FRS2: variants seen among roughly 807,000 people sequenced by gnomAD.
FRS2 encodes the protein FGFR signalling adaptor.
A neutral mutation model predicts 43.9 loss-of-function variants in FRS2; 8 were observed. That is an observed-to-expected ratio of 0.18 (90% CI 0.11 to 0.33). FRS2 has a LOEUF of 0.33. Ranked by LOEUF, FRS2 falls within the 10% of genes least tolerant of loss-of-function variation. The pLI, the probability that FRS2 is intolerant of heterozygous loss-of-function variation, is 1.00. For missense variants in FRS2, 534 were observed against 627.6 expected, an observed-to-expected ratio of 0.85 and a Z score of 1.59; for synonymous variants, 219 against 220.3, an observed-to-expected ratio of 0.99 and a Z score of 0.05.
At chr12:69,517,985 T>C (rs1875227122) in intron 1 of FRS2, among the ~76,000 whole-genome samples, 1 of 152,206 alleles carries the variant, frequency 6.6e-6, no homozygotes, top group Middle Eastern at 3.2e-3. Context: ...ATTGCATTTA[T>C]ATATAAAATA....
chr12:69,524,516 C>T (rs1240190670), intron 1 of FRS2, among the ~76,000 whole-genome samples: 1 of 151,894 alleles, frequency 6.6e-6, no homozygotes, highest in Non-Finnish European at 1.5e-5. Flanking sequence ...CAGGAGGTAC[C>T]TGGGGGCTGC....
At chr12:69,564,107 C>G (rs1240128561) in intron 4 of FRS2, among the ~76,000 whole-genome samples, 2 of 152,142 alleles carry the variant, frequency 1.3e-5, no homozygotes, top group Non-Finnish European at 2.9e-5. Context: ...TCAACCAGTT[C>G]TTCAAAGACC....
chr12:69,523,200 T>C (rs1875864919), intron 1 of FRS2, among the ~76,000 whole-genome samples: 1 of 152,216 alleles, frequency 6.6e-6, no homozygotes, highest in Non-Finnish European at 1.5e-5. Context: ...ATACTTATTA[T>C]TGCATGGGAG....
At chr12:69,495,110 G>T (rs550911772) in intron 1 of FRS2, among the ~76,000 whole-genome samples, 1 of 152,232 alleles carries the variant, frequency 6.6e-6, no homozygotes, top group East Asian at 1.9e-4. Context: ...GTATCGATAT[G>T]AGGACTAAAT....
chr12:69,563,335 C>T (rs908966073), intron 4 of FRS2, among the ~76,000 whole-genome samples: 1 of 152,098 alleles, frequency 6.6e-6, no homozygotes, highest in African/African-American at 2.4e-5. Context: ...GAAGATTGGC[C>T]ACAACTGCCC....
Position 69,543,489 on chromosome 12 carries a change from T to A in FRS2, c.-122+11433T>A, listed in dbSNP as rs1190261993. Reference sequence around the variant, plus strand: ...TGGAGTTTACGTTTTGTGGTGGCATTGGAGTGAAGAGCTAGGGAATAAAAA... The same window carrying A: ...TGGAGTTTACGTTTTGTGGTGGCATAGGAGTGAAGAGCTAGGGAATAAAAA... On this transcript the variant is annotated intron_variant, in intron 3 of 8. Transcript: ENST00000549921. 3.3e-5 allele frequency among the ~76,000 whole-genome samples: 5 copies of A among 152,176 alleles called. No individual in the cohort carries two copies. In the South Asian group the frequency reaches 1.0e-3, roughly 32 times the overall value.
In FRS2 at chr12:69,506,614, T is replaced by C. The variant is rs1311183314; in HGVS notation, c.-260-24251T>C. ...TTTTATAGCATTTGAAAGATTCTTT[T>C]AGATCCAGTTCGGTGTCTACTTCTT... is the stretch of plus-strand genomic sequence containing the variant. On this transcript the variant is annotated intron_variant, in intron 1 of 8. Transcript: ENST00000549921. Among the ~76,000 whole-genome samples, 11 of 152,324 alleles carry C rather than the reference T, an allele frequency of 7.2e-5. No individual in the cohort carries two copies. The East Asian group carries it at 1.9e-3, about 27-fold the overall frequency.
Position 69,470,401 on chromosome 12 carries a change from G to T in FRS2, c.-390G>T. 2.5e-6 allele frequency: 1 copy of T among 398,660 alleles called. No homozygotes were observed. Among genetic ancestry groups the T allele is most frequent in the Non-Finnish European group, 4.4e-6 (1 of 226,174 alleles). 24.7% of individuals were successfully genotyped at this position (398,660 alleles called of 1,614,324 possible). On this transcript the variant is annotated 5_prime_UTR_variant, in exon 1 of 9. Coordinates refer to ENST00000549921, the MANE Select transcript of FRS2 (RefSeq NM_001278356.2). ...GAAGTGCTTTTCCAAGATTCGGGCCGGAGAGAGGCCTTGTAGGCACAGCGG... is the reference window on the plus strand; with the variant it reads ...GAAGTGCTTTTCCAAGATTCGGGCCTGAGAGAGGCCTTGTAGGCACAGCGG...
intron 1 of FRS2, among the ~76,000 whole-genome samples, chr12:69,503,241 C>G (rs1364499072): frequency 1.3e-5 from 2 of 152,274 alleles, no homozygotes; most frequent in African/African-American, 2.4e-5. Context: ...ATATGCCCCC[C>G]CTCCATTTTG....
At chr12:69,555,243 A>C (rs895946617) in intron 3 of FRS2, among the ~76,000 whole-genome samples, 11 of 151,660 alleles carry the variant, frequency 7.3e-5, no homozygotes, top group African/African-American at 2.4e-4. Context: ...TGGGGGTTTC[A>C]TCATGTTGGC....
chr12:69,485,061 C>T (rs1871708367), intron 1 of FRS2, among the ~76,000 whole-genome samples: 1 of 116,540 alleles, frequency 8.6e-6, no homozygotes, highest in African/African-American at 3.3e-5. Flanking sequence ...GCCTGGGAAA[C>T]ATAGTAAGAC....
intron 3 of FRS2, among the ~76,000 whole-genome samples, chr12:69,546,022 T>C (rs1029619645): frequency 6.6e-6 from 1 of 152,160 alleles, no homozygotes; most frequent in African/African-American, 2.4e-5. Flanking sequence ...TTCATGACAT[T>C]GGATTTGGCA....
chr12:69,528,717 T>G (rs1399883876), intron 1 of FRS2, among the ~76,000 whole-genome samples: 1 of 152,226 alleles, frequency 6.6e-6, no homozygotes, highest in Non-Finnish European at 1.5e-5. Context: ...ATTTATAATT[T>G]ACTATTCTTT....
chr12:69,560,289 C>T (rs1018431238), intron 3 of FRS2, among the ~76,000 whole-genome samples: 8 of 151,870 alleles, frequency 5.3e-5, no homozygotes, highest in African/African-American at 1.9e-4. Flanking sequence ...TCTTTATATC[C>T]AGAGTTTTTT....
chr12:69,574,888 A>G lies in FRS2; in HGVS notation c.1460A>G (p.Lys487Arg). Reference protein sequence around the residue: ...ERTAAMSNLQKALPRDDGTSR... With the variant: ...ERTAAMSNLQRALPRDDGTSR... ...ACTGCTGCTATGTCAAATTTGCAGA[A>G]AGCACTGCCACGAGATGATGGTACA... The change falls in exon 9 of 9, where the codon AAA (lysine) becomes AGA (arginine). Residue 487 changes from lysine to arginine, a missense_variant. Transcript: ENST00000549921. The G allele has an allele frequency of 6.2e-7, 1 of 1,613,958 alleles. No individual in the cohort carries two copies. The highest frequency in any genetic ancestry group is 8.5e-7 in the Non-Finnish European group (1 of 1,179,932).
intron 1 of FRS2, among the ~76,000 whole-genome samples, 192 bp from the exon 2 acceptor site, chr12:69,530,673 A>G (rs763945341): frequency 2.0e-4 from 30 of 152,118 alleles, no homozygotes; most frequent in Non-Finnish European, 1.0e-4. Flanking sequence ...AGCCCATGAG[A>G]TTGAGGCTGC....
chr12:69,479,390 C>CTTTTTT (rs57688271), intron 1 of FRS2, among the ~76,000 whole-genome samples: 9 of 119,664 alleles, frequency 7.5e-5, no homozygotes, highest in Non-Finnish European at 1.0e-4. Context: ...TCTGTTGTTT[C>CTTTTTT]TTTTTTTTTT....
chr12:69,492,188 G>T (rs758269667), intron 1 of FRS2, among the ~76,000 whole-genome samples: 3 of 152,186 alleles, frequency 2.0e-5, no homozygotes, highest in African/African-American at 7.2e-5. Context: ...CCTGTATCTT[G>T]TGAATGAATT....
chr12:69,509,934 G>C (rs139041544), intron 1 of FRS2, among the ~76,000 whole-genome samples: 1 of 152,162 alleles, frequency 6.6e-6, no homozygotes, highest in African/African-American at 2.4e-5. Context: ...ATTTTATTAA[G>C]AATTTATTGG....
Sources: gnomAD v4.1 joint callset for allele counts (sites outside exome capture counted in the v4.1 genomes callset) on GRCh38, gnomAD v4.1.1 for gene constraint, MANE v1.5 for transcripts, NCBI Gene and HGNC (gene_info 2026-07-23, HGNC 2026-07-21) for gene names.